The following TNR variants were observed in gnomAD, a reference collection of about 807,000 sequenced individuals.
TNR encodes tenascin-R.
Under a neutral mutation model 150.4 loss-of-function variants are expected in TNR, and 45 were observed. The ratio of observed to expected loss-of-function variants is 0.30; its 90% CI spans 0.24 to 0.38. TNR has a LOEUF of 0.38. Among genes scored for constraint, TNR ranks in the 10% least tolerant of loss-of-function variants. The pLI is 1.00. For missense variants in TNR, 1,544 were observed against 1,759.1 expected, an observed-to-expected ratio of 0.88 and a Z score of 2.19; for synonymous variants, 687 against 678.4, an observed-to-expected ratio of 1.01 and a Z score of -0.20.
intron 1 of TNR, among the ~76,000 whole-genome samples, chr1:175,545,773 A>G (rs1425998053): frequency 2.0e-5 from 3 of 152,240 alleles, no homozygotes; most frequent in Admixed American, 2.0e-4. Flanking sequence ...CACACAGCTA[A>G]TAAGTAGCAA....
At chr1:175,408,874 G>T (rs532116536) in intron 2 of TNR, among the ~76,000 whole-genome samples, 2 of 152,290 alleles carry the variant, frequency 1.3e-5, no homozygotes, top group Admixed American at 6.5e-5. Context: ...TTATCCATTT[G>T]TGGACAGCAG....
chr1:175,688,959 C>T (rs537061114), intron 1 of TNR, among the ~76,000 whole-genome samples: 4 of 152,362 alleles, frequency 2.6e-5, no homozygotes, highest in African/African-American at 9.6e-5. Flanking sequence ...ATGCTTGGCA[C>T]TATGTTGTGC....
chr1:175,627,734 C>T (rs2101870432), intron 1 of TNR, among the ~76,000 whole-genome samples: 1 of 152,016 alleles, frequency 6.6e-6, no homozygotes, highest in African/African-American at 2.4e-5. Context: ...AAGATCAGTT[C>T]TACTTTCAAG....
chr1:175,718,530 G>A (rs886673146), intron 1 of TNR, among the ~76,000 whole-genome samples: 1 of 152,204 alleles, frequency 6.6e-6, no homozygotes, highest in African/African-American at 2.4e-5. Flanking sequence ...CAGGACCCAC[G>A]GTGTTTGTCA....
At position 175,581,558 on chromosome 1, in the gene TNR, A is replaced by G. The variant is rs144605218; in HGVS notation, c.-164-53189T>C. On this transcript the variant is annotated intron_variant, in intron 1 of 22. Transcript: ENST00000367674. ...AAGAGCAAGGAACCCTCATGGCAGC[A>G]TGGGGTGGTGCAGAGAAAATGTGGT... Among the ~76,000 whole-genome samples the G allele has an allele frequency of 3.3e-4, 51 of 152,300 alleles. No homozygotes were observed. In the East Asian group the frequency reaches 6.6e-3, roughly 20 times the overall value.
At chr1:175,513,553 A>G (rs900455889) in intron 2 of TNR, among the ~76,000 whole-genome samples, 5 of 152,166 alleles carry the variant, frequency 3.3e-5, no homozygotes, top group Admixed American at 3.3e-4. Flanking sequence ...CTGGGTAGGA[A>G]GAAGCCCTCC....
At chr1:175,669,306 A>G (rs1665623983) in intron 1 of TNR, among the ~76,000 whole-genome samples, 1 of 152,218 alleles carries the variant, frequency 6.6e-6, no homozygotes, top group Non-Finnish European at 1.5e-5. Flanking sequence ...GGCCGTTGCC[A>G]GGCACAGGGC....
At chr1:175,669,650 G>A (rs565284427) in intron 1 of TNR, among the ~76,000 whole-genome samples, 149 of 152,290 alleles carry the variant, frequency 9.8e-4, no homozygotes, top group Non-Finnish European at 1.7e-3. Flanking sequence ...ATCACCAGCC[G>A]AGCCAGGGTT....
At chr1:175,601,076 A>G (rs1317556015) in intron 1 of TNR, among the ~76,000 whole-genome samples, 3 of 152,234 alleles carry the variant, frequency 2.0e-5, no homozygotes, top group Non-Finnish European at 2.9e-5. Flanking sequence ...ATACAGATTT[A>G]TATGTGTGCC....
intron 2 of TNR, among the ~76,000 whole-genome samples, chr1:175,457,419 C>T (rs1450268668): frequency 6.6e-6 from 1 of 152,220 alleles, no homozygotes; most frequent in African/African-American, 2.4e-5. Context: ...AGACATTGAG[C>T]CGTGGCCTGG....
At chr1:175,597,027 T>C (rs57091017) in intron 1 of TNR, among the ~76,000 whole-genome samples, 25,742 of 152,190 alleles carry the variant, frequency 0.17, 3,336 homozygotes, top group African/African-American at 0.36. Flanking sequence ...CAGGGCTCCT[T>C]CCCACTTGCT....
intron 2 of TNR, among the ~76,000 whole-genome samples, chr1:175,476,830 C>T (rs1197232281): frequency 1.3e-5 from 2 of 152,168 alleles, no homozygotes; most frequent in Admixed American, 6.5e-5. Flanking sequence ...ACTCTGGAAG[C>T]TCAGAATGTG....
intron 1 of TNR, among the ~76,000 whole-genome samples, chr1:175,586,388 C>T (rs756585773): frequency 1.3e-5 from 2 of 152,188 alleles, no homozygotes; most frequent in Non-Finnish European, 2.9e-5. Context: ...GCAACCTCCG[C>T]CTCCCAGGTT....
chr1:175,616,795 T>G (rs780261267), intron 1 of TNR, among the ~76,000 whole-genome samples: 2 of 152,170 alleles, frequency 1.3e-5, no homozygotes, highest in Non-Finnish European at 2.9e-5. Context: ...CCTGTGTGAC[T>G]TTTGCTACCA....
intron 2 of TNR, among the ~76,000 whole-genome samples, chr1:175,527,255 G>A (rs1042259392): frequency 6.6e-6 from 1 of 152,200 alleles, no homozygotes; most frequent in Non-Finnish European, 1.5e-5. Flanking sequence ...AGCGTGATGT[G>A]ATGATGTCTC....
intron 2 of TNR, among the ~76,000 whole-genome samples, chr1:175,448,297 A>G (rs566434985): frequency 3.7e-4 from 57 of 152,238 alleles, no homozygotes; most frequent in Non-Finnish European, 5.7e-4. Flanking sequence ...GGCTCACTGC[A>G]ACCTCCACCT....
intron 3 of TNR, among the ~76,000 whole-genome samples, chr1:175,403,918 A>G (rs763150888): frequency 6.6e-6 from 1 of 152,164 alleles, no homozygotes; most frequent in Non-Finnish European, 1.5e-5. Context: ...CTAAAGATTC[A>G]TGTAAAAGTG....
At chr1:175,677,627 A>G (rs1398548787) in intron 1 of TNR, among the ~76,000 whole-genome samples, 2 of 152,222 alleles carry the variant, frequency 1.3e-5, no homozygotes, top group Admixed American at 1.3e-4. Context: ...AAGCCAAGAC[A>G]GGCAGGGAGG....
In TNR at chr1:175,347,553, G is replaced by A. The variant is rs1277355953; in HGVS notation, c.3382+6838C>T. 3.3e-5 allele frequency among the ~76,000 whole-genome samples: 5 copies of A among 152,004 alleles called. No homozygotes were observed. In the East Asian group the frequency reaches 7.7e-4, roughly 24 times the overall value. On this transcript the variant is annotated intron_variant, in intron 18 of 22. Coordinates refer to ENST00000367674, the MANE Select transcript of TNR (RefSeq NM_003285.3). ...AGCGATTCTCCTGTCTCAGCCTCCTGAGTAGCTGGAATTATAGGTGTGCAC... is the reference window on the plus strand; with the variant it reads ...AGCGATTCTCCTGTCTCAGCCTCCTAAGTAGCTGGAATTATAGGTGTGCAC...
Sources: gnomAD v4.1 joint callset for allele counts (sites outside exome capture counted in the v4.1 genomes callset) on GRCh38, gnomAD v4.1.1 for gene constraint, MANE v1.5 for transcripts, NCBI Gene and HGNC (gene_info 2026-07-23, HGNC 2026-07-21) for gene names.